The following PLEKHO2 variants were observed in gnomAD, a reference collection of about 807,000 sequenced individuals.
The protein encoded by PLEKHO2 is pleckstrin homology domain-containing family O member 2.
Under a neutral mutation model 32.7 loss-of-function variants are expected in PLEKHO2, and 20 were observed. The observed-to-expected ratio is 0.61, with a 90% CI of 0.43 to 0.89. The LOEUF (loss-of-function observed/expected upper bound fraction) is 0.89, where lower values mean the gene tolerates loss of function less well. Ranked by LOEUF, PLEKHO2 falls within the 40% of genes least tolerant of loss-of-function variation. The pLI is 0.00. For synonymous variants in PLEKHO2, 247 were observed against 246.3 expected (o/e 1.00, Z -0.03); for missense variants, 568 against 621.2 (o/e 0.91, Z 0.91).
At chr15:64,848,769 G>T in intron 2 of PLEKHO2, 27 bp downstream of exon 2, 1 of 1,613,110 alleles carries the variant, frequency 6.2e-7, no homozygotes, top group Non-Finnish European at 8.5e-7. Context: ...CCCTGAGATT[G>T]GGGGTTCTGG....
At chr15:64,864,143 C>T (rs952812490) in intron 5 of PLEKHO2, among the ~76,000 whole-genome samples, 2 of 152,286 alleles carry the variant, frequency 1.3e-5, no homozygotes, top group East Asian at 3.9e-4. Context: ...CCTGCCCAGC[C>T]CTGCTGGGGC....
In PLEKHO2 at chr15:64,861,586, A is replaced by C; in HGVS notation, c.483+11A>C. The C allele has an allele frequency of 1.3e-6, 2 of 1,579,532 alleles. No individual in the cohort carries two copies. Among genetic ancestry groups the C allele is most frequent in the Non-Finnish European group, 1.7e-6 (2 of 1,163,988 alleles). On this transcript the variant is annotated intron_variant, in intron 5 of 5. Transcript: ENST00000323544. ...GTCCACCTGAAGGAGGTAGGGCCTT[A>C]CCCAGTGTGGATGTTGGGGTTAGTT...
chr15:64,863,442 G>A (rs190536181), intron 5 of PLEKHO2, among the ~76,000 whole-genome samples: 9 of 152,152 alleles, frequency 5.9e-5, no homozygotes, highest in South Asian at 4.2e-4. Flanking sequence ...GGCCGGGGAC[G>A]GATGTAGGGA....
chr15:64,848,059 G>T (rs1307002223), intron 1 of PLEKHO2, among the ~76,000 whole-genome samples: 2 of 152,184 alleles, frequency 1.3e-5, no homozygotes, highest in Non-Finnish European at 2.9e-5. Context: ...GTATTTATTT[G>T]TTCAGCTCCT....
intron 2 of PLEKHO2, among the ~76,000 whole-genome samples, chr15:64,853,279 CT>C (rs540850058): frequency 2.5e-3 from 336 of 134,728 alleles, no homozygotes; most frequent in Middle Eastern, 3.8e-3. Flanking sequence ...TTTTCTTTTT[CT>C]TTTTTTTTTT....
chr15:64,844,711 C>G (rs76104850), intron 1 of PLEKHO2, among the ~76,000 whole-genome samples: 1,926 of 152,252 alleles, frequency 0.013, 47 homozygotes, highest in African/African-American at 0.044. Context: ...CTTTGATAAC[C>G]TTTTGTGCCT....
At chr15:64,844,674 A>G (rs1171781542) in intron 1 of PLEKHO2, among the ~76,000 whole-genome samples, 1 of 151,906 alleles carries the variant, frequency 6.6e-6, no homozygotes, top group African/African-American at 2.4e-5. Flanking sequence ...TTCTCTTTCT[A>G]TAGTAAAGGG....
At position 64,846,089 on chromosome 15, in the gene PLEKHO2, T is replaced by C. The variant is rs933761149; in HGVS notation, c.13-2504T>C. On this transcript the variant is annotated intron_variant, in intron 1 of 5. Coordinates refer to ENST00000323544, the MANE Select transcript of PLEKHO2 (RefSeq NM_025201.5). ...GTGGGGGTGGGGTTTCCCATTTCCC[T>C]GTTCTTCCCTTCTAGCCCTGGGCCT... Among the ~76,000 whole-genome samples the C allele has an allele frequency of 3.0e-4, 45 of 152,188 alleles. 1 individual carries two copies. Among genetic ancestry groups the C allele is most frequent in the African/African-American group, 1.1e-3 (44 of 41,442 alleles).
chr15:64,858,963 C>T (rs927505902), intron 3 of PLEKHO2, among the ~76,000 whole-genome samples: 3 of 152,194 alleles, frequency 2.0e-5, no homozygotes, highest in Non-Finnish European at 4.4e-5. Context: ...CCACCACTCT[C>T]CTCTCTGTCT....
At chr15:64,843,287 T>C (rs762677946) in intron 1 of PLEKHO2, among the ~76,000 whole-genome samples, 6 of 152,226 alleles carry the variant, frequency 3.9e-5, no homozygotes, top group Non-Finnish European at 7.3e-5. Context: ...GGCCTGACAG[T>C]GGCCGGTTCT....
In PLEKHO2 at chr15:64,848,754, C is replaced by G. The variant is rs1170655627; in HGVS notation, c.162+12C>G. 6.2e-7 allele frequency: 1 copy of G among 1,613,652 alleles called. No individual in the cohort carries two copies. The highest frequency in any genetic ancestry group is 1.7e-5 in the Admixed American group (1 of 59,986). ...TCTATGAGAATGAGGTGAGGACCTG[C>G]TTGGCCCTGAGATTGGGGGTTCTGG... On this transcript the variant is annotated intron_variant, in intron 2 of 5. Transcript: ENST00000323544.
At chr15:64,863,525 G>C (rs867614309) in intron 5 of PLEKHO2, among the ~76,000 whole-genome samples, 1 of 146,226 alleles carries the variant, frequency 6.8e-6, no homozygotes, top group Admixed American at 6.8e-5. Context: ...GTGTTTGTGT[G>C]TGTGTGTGTG....
chr15:64,855,951 A>C (rs1319806484), intron 3 of PLEKHO2, among the ~76,000 whole-genome samples: 1 of 146,562 alleles, frequency 6.8e-6, no homozygotes, highest in Non-Finnish European at 1.5e-5. Context: ...CCTGAAGACC[A>C]CAATGCTTTA....
At chr15:64,857,675 C>T (rs2084614663) in intron 3 of PLEKHO2, among the ~76,000 whole-genome samples, 1 of 152,152 alleles carries the variant, frequency 6.6e-6, no homozygotes, top group Non-Finnish European at 1.5e-5. Flanking sequence ...TCTTCCTTCT[C>T]CTGTGGGAGC....
intron 5 of PLEKHO2, among the ~76,000 whole-genome samples, chr15:64,863,932 G>A (rs1330585145): frequency 6.6e-6 from 1 of 152,072 alleles, no homozygotes; most frequent in Non-Finnish European, 1.5e-5. Context: ...TAGTAGAGAC[G>A]GGGTTTCTCC....
At chr15:64,856,671 G>A (rs59877201) in intron 3 of PLEKHO2, among the ~76,000 whole-genome samples, 1 of 152,200 alleles carries the variant, frequency 6.6e-6, no homozygotes, top group Non-Finnish European at 1.5e-5. Flanking sequence ...CTGGCTCTGA[G>A]AACAGGAGAT....
intron 2 of PLEKHO2, among the ~76,000 whole-genome samples, chr15:64,852,159 C>G (rs941880198): frequency 4.6e-5 from 7 of 152,264 alleles, no homozygotes; most frequent in Middle Eastern, 3.4e-3. Context: ...GTGTCTGCAT[C>G]TTGCAGGTGT....
chr15:64,863,519 TTGTGTGTGTGTG>T (rs147780306), intron 5 of PLEKHO2, among the ~76,000 whole-genome samples: 3 of 145,068 alleles, frequency 2.1e-5, no homozygotes, highest in East Asian at 2.1e-4. Context: ...GTGTGTGTGT[TTGTGTGTGTGTG>T]TGTGTGTGTG....
In PLEKHO2 at chr15:64,848,618, C is replaced by G; in HGVS notation, c.38C>G (p.Pro13Arg). ...EEGVKEAGEK[P>R]RGAQMVDKAG... Reference sequence around the variant, plus strand: ...GGTGTGAAGGAAGCCGGTGAGAAGCCTCGGGGAGCACAGATGGTGGACAAG... The same window carrying G: ...GGTGTGAAGGAAGCCGGTGAGAAGCGTCGGGGAGCACAGATGGTGGACAAG... Residue 13 changes from proline (P) to arginine (R), a missense_variant, in exon 2 of 6, where the codon CCT (proline) becomes CGT (arginine). Coordinates refer to ENST00000323544, the MANE Select transcript of PLEKHO2 (RefSeq NM_025201.5). 1 of 1,614,154 alleles carries G rather than the reference C, an allele frequency of 6.2e-7. No homozygotes were observed. The highest frequency in any genetic ancestry group is 1.1e-5 in the South Asian group (1 of 91,086).
Sources: gnomAD v4.1 joint callset for allele counts (sites outside exome capture counted in the v4.1 genomes callset) on GRCh38, gnomAD v4.1.1 for gene constraint, MANE v1.5 for transcripts, NCBI Gene and HGNC (gene_info 2026-07-23, HGNC 2026-07-21) for gene names.